IL1RAPL2: variants seen among roughly 807,000 people sequenced by gnomAD.
IL1RAPL2 encodes the protein X-linked interleukin-1 receptor accessory protein-like 2.
IL1RAPL2 carries 3 observed loss-of-function variants against 44.1 expected under a neutral mutation model. The ratio of observed to expected loss-of-function variants is 0.07; its 90% confidence interval spans 0.03 to 0.18. The LOEUF is 0.18. IL1RAPL2 is among the 10% of genes least tolerant of loss of function. IL1RAPL2 has a pLI of 1.00. For missense variants in IL1RAPL2, 391 were observed against 496.4 expected (o/e 0.79, Z 2.02); for synonymous variants, 181 against 178.8 (o/e 1.01, Z -0.10).
chrX:105,448,353 C>T (rs1602417202), intron 5 of IL1RAPL2, among the ~76,000 whole-genome samples: 1 of 103,652 alleles, frequency 9.6e-6, no homozygotes, highest in South Asian at 3.9e-4. Context: ...TCTACCTCCT[C>T]TTTAAGGCCA....
intron 5 of IL1RAPL2, among the ~76,000 whole-genome samples, chrX:105,418,038 A>G (rs1040847446): frequency 2.7e-5 from 3 of 111,561 alleles, no homozygotes; most frequent in African/African-American, 9.8e-5. Flanking sequence ...TCCTCTGCCC[A>G]CTTACAGCAT....
intron 4 of IL1RAPL2, among the ~76,000 whole-genome samples, chrX:105,266,894 A>C (rs1328981683): frequency 3.6e-5 from 4 of 111,874 alleles, no homozygotes; most frequent in Non-Finnish European, 5.6e-5. Context: ...GGAGTAATTA[A>C]TGAAACAATT....
intron 1 of IL1RAPL2, among the ~76,000 whole-genome samples, chrX:104,567,303 G>T (rs1257792305): frequency 8.9e-6 from 1 of 112,827 alleles, no homozygotes; most frequent in Non-Finnish European, 1.9e-5. Context: ...TCAGGTGCCC[G>T]CGAGCCCAAG....
In IL1RAPL2 at chrX:105,081,719, C is replaced by T; in HGVS notation, c.83-113756C>T. Among the ~76,000 whole-genome samples, 3 of 111,460 alleles carry T rather than the reference C, an allele frequency of 2.7e-5. No homozygotes were observed. In the South Asian group the frequency reaches 1.1e-3, roughly 42 times the overall value. ...ATTTTGTTGAAGGCATTTCCTGCAT[C>T]GATTGAGATAATCGTGTGGTTTTTG... On this transcript the variant is annotated intron_variant, in intron 2 of 10. Transcript: ENST00000372582.
intron 6 of IL1RAPL2, among the ~76,000 whole-genome samples, chrX:105,659,187 G>A (rs926612580): frequency 9.1e-5 from 10 of 109,594 alleles, no homozygotes; most frequent in Non-Finnish European, 1.5e-4. Context: ...AACACCACCC[G>A]GGAACACATA....
rs762283868 is a variant in IL1RAPL2 at position 104,767,593 on chromosome X, C to T, written c.82+108598C>T. On this transcript the variant is annotated intron_variant, in intron 2 of 10. Coordinates refer to ENST00000372582, the MANE Select transcript of IL1RAPL2 (RefSeq NM_017416.2). ...TTTCTTTTTAGCTAAGCTGAATGCA[C>T]TTGGGAATGAGTGAAACTTCAGATA... 1.4e-4 allele frequency among the ~76,000 whole-genome samples: 16 copies of T among 111,739 alleles called. No homozygotes were observed. In the East Asian group the frequency reaches 4.2e-3, roughly 30 times the overall value.
Position 104,730,381 on chromosome X carries a change from C to A in IL1RAPL2, c.82+71386C>A, listed in dbSNP as rs182982982. On this transcript the variant is annotated intron_variant, in intron 2 of 10. Transcript: ENST00000372582. ...AATGCTATCCCTCCCCTCCCCCCCA[C>A]CCCAGAACAGTCCCCAGAGTGTGAT... is the stretch of plus-strand genomic sequence containing the variant. 2.5e-3 allele frequency among the ~76,000 whole-genome samples: 175 copies of A among 71,282 alleles called. 6 individuals carry two copies. Among genetic ancestry groups the A allele is most frequent in the Middle Eastern group, 6.9e-3 (1 of 145 alleles). 61.9% of individuals were successfully genotyped at this position (71,282 alleles called of 115,157 possible).
intron 8 of IL1RAPL2, among the ~76,000 whole-genome samples, chrX:105,747,448 TTCTCTCTCTCTC>T (rs746410456): frequency 4.7e-5 from 4 of 84,652 alleles, no homozygotes; most frequent in Non-Finnish European, 9.0e-5. Context: ...TGATTGGCTG[TTCTCTCTCTCTC>T]TCTCTCTCTC....
intron 2 of IL1RAPL2, among the ~76,000 whole-genome samples, chrX:105,175,891 AATAT>A (rs2033468413): frequency 1.8e-5 from 2 of 111,231 alleles, no homozygotes; most frequent in South Asian, 7.5e-4. Context: ...AACAATACAT[AATAT>A]ATAATGATAT....
chrX:105,218,593 C>A (rs988611487), intron 3 of IL1RAPL2, among the ~76,000 whole-genome samples: 3 of 110,626 alleles, frequency 2.7e-5, no homozygotes, highest in Non-Finnish European at 3.8e-5. Context: ...AGGGAGAGAG[C>A]GAGCGAGACA....
intron 2 of IL1RAPL2, among the ~76,000 whole-genome samples, chrX:104,953,068 GT>G (rs1178281905): frequency 1.8e-5 from 2 of 108,844 alleles, no homozygotes; most frequent in Non-Finnish European, 3.8e-5. Context: ...CAAAAGGAAA[GT>G]TTTTTTTTTC....
intron 1 of IL1RAPL2, among the ~76,000 whole-genome samples, chrX:104,640,126 G>T (rs944068342): frequency 3.6e-5 from 4 of 110,153 alleles, no homozygotes; most frequent in Admixed American, 9.6e-5. Flanking sequence ...TCAAACATTT[G>T]GTTGCTTTGT....
At chrX:105,295,844 G>T (rs2034650872) in intron 5 of IL1RAPL2, among the ~76,000 whole-genome samples, 1 of 111,120 alleles carries the variant, frequency 9.0e-6, no homozygotes, top group African/African-American at 3.3e-5. Context: ...TTGCATGATT[G>T]ATTTGAACAT....
At chrX:105,544,734 A>G (rs1476901609) in intron 6 of IL1RAPL2, among the ~76,000 whole-genome samples, 2 of 110,961 alleles carry the variant, frequency 1.8e-5, no homozygotes, top group Non-Finnish European at 3.8e-5. Context: ...AACATTTCTT[A>G]TTTTACTGTT....
chrX:105,674,931 G>C (rs751787922), intron 6 of IL1RAPL2, among the ~76,000 whole-genome samples: 3 of 110,188 alleles, frequency 2.7e-5, no homozygotes, highest in Non-Finnish European at 3.8e-5. Context: ...AATTGCGAAG[G>C]GGGGGTTCCT....
chrX:105,042,763 A>G (rs1352146971), intron 2 of IL1RAPL2, among the ~76,000 whole-genome samples: 2 of 107,884 alleles, frequency 1.9e-5, no homozygotes, highest in African/African-American at 6.8e-5. Context: ...ATGCTGCTAT[A>G]AAGACACACA....
intron 6 of IL1RAPL2, among the ~76,000 whole-genome samples, chrX:105,547,378 A>G (rs2036811346): frequency 8.9e-6 from 1 of 112,464 alleles, no homozygotes; most frequent in South Asian, 3.7e-4. Context: ...AGAGCCATTT[A>G]AGATCACCTA....
chrX:104,784,935 G>A (rs1932791055), intron 2 of IL1RAPL2, among the ~76,000 whole-genome samples: 1 of 111,038 alleles, frequency 9.0e-6, no homozygotes, highest in Admixed American at 9.7e-5. Flanking sequence ...TGACAAATCA[G>A]CTTATTTATC....
intron 2 of IL1RAPL2, among the ~76,000 whole-genome samples, chrX:104,774,392 C>T (rs1207227167): frequency 9.0e-6 from 1 of 111,384 alleles, no homozygotes; most frequent in Non-Finnish European, 1.9e-5. Context: ...TAGCTACTGG[C>T]AATTGTAGTA....
Sources: gnomAD v4.1 joint callset for allele counts (sites outside exome capture counted in the v4.1 genomes callset) on GRCh38, gnomAD v4.1.1 for gene constraint, MANE v1.5 for transcripts, NCBI Gene and HGNC (gene_info 2026-07-23, HGNC 2026-07-21) for gene names.